The following EXOC6B variants were observed in gnomAD, a reference collection of about 807,000 sequenced individuals.
EXOC6B encodes SEC15 homolog B.
Under a neutral mutation model 113.5 loss-of-function variants are expected in EXOC6B, and 54 were observed. The observed-to-expected ratio is 0.48, with a 90% CI of 0.38 to 0.60. The LOEUF (loss-of-function observed/expected upper bound fraction) is 0.60, where lower values mean the gene tolerates loss of function less well. Ranked by LOEUF, EXOC6B falls within the 20% of genes least tolerant of loss-of-function variation. EXOC6B has a pLI of 0.00. For missense variants in EXOC6B, 797 were observed against 977.5 expected, an observed-to-expected ratio of 0.82 and a Z score of 2.46; for synonymous variants, 357 against 339.0, an observed-to-expected ratio of 1.05 and a Z score of -0.58.
intron 20 of EXOC6B, among the ~76,000 whole-genome samples, chr2:72,279,245 T>C (rs1388398426): frequency 1.3e-5 from 2 of 152,208 alleles, no homozygotes; most frequent in Non-Finnish European, 2.9e-5. Context: ...TTCTCAGAAG[T>C]GAAGAGTCCT....
chr2:72,663,566 C>T (rs1029923947), intron 6 of EXOC6B, among the ~76,000 whole-genome samples: 2 of 152,092 alleles, frequency 1.3e-5, no homozygotes, highest in Non-Finnish European at 1.5e-5. Flanking sequence ...AATGAAACCA[C>T]AACTTGTAGG....
chr2:72,429,373 C>A (rs1695387601), intron 18 of EXOC6B, among the ~76,000 whole-genome samples: 1 of 152,160 alleles, frequency 6.6e-6, no homozygotes, highest in African/African-American at 2.4e-5. Flanking sequence ...CTGATCAAAG[C>A]AAACAGGCCT....
At chr2:72,315,831 G>A (rs1044711434) in intron 20 of EXOC6B, among the ~76,000 whole-genome samples, 1 of 152,068 alleles carries the variant, frequency 6.6e-6, no homozygotes, top group Non-Finnish European at 1.5e-5. Context: ...ACATTTTAAT[G>A]TATAATAAAA....
At chr2:72,515,222 T>G in intron 8 of EXOC6B, 96 bp from the exon 9 acceptor site, 1 of 1,141,226 alleles carries the variant, frequency 8.8e-7, no homozygotes, top group Non-Finnish European at 1.3e-6. Context: ...GAATTTGAGG[T>G]AGTATCACAT....
chr2:72,720,976 G>A (rs1365840484), intron 5 of EXOC6B, among the ~76,000 whole-genome samples: 10 of 152,088 alleles, frequency 6.6e-5, no homozygotes, highest in South Asian at 6.2e-4. Context: ...AATAAGTTAT[G>A]CAAAGAAAAC....
At chr2:72,416,841 C>G (rs1694556348) in intron 18 of EXOC6B, among the ~76,000 whole-genome samples, 1 of 152,134 alleles carries the variant, frequency 6.6e-6, no homozygotes, top group Non-Finnish European at 1.5e-5. Flanking sequence ...GCACACAAGT[C>G]ATTAACAATC....
At chr2:72,484,566 CAAAAAAAAAAA>C (rs1163864913) in intron 16 of EXOC6B, among the ~76,000 whole-genome samples, 1 of 52,646 alleles carries the variant, frequency 1.9e-5, no homozygotes, top group African/African-American at 6.5e-5. Context: ...GACTCCGTCA[CAAAAAAAAAAA>C]AAAAAAAAAA....
intron 1 of EXOC6B, among the ~76,000 whole-genome samples, chr2:72,797,746 G>A (rs567867637): frequency 4.6e-5 from 7 of 152,094 alleles, no homozygotes; most frequent in African/African-American, 7.2e-5. Flanking sequence ...CCTGGGAGGC[G>A]GAGGTTGTAA....
At chr2:72,214,709 C>T (rs1379783287) in intron 20 of EXOC6B, among the ~76,000 whole-genome samples, 2 of 152,172 alleles carry the variant, frequency 1.3e-5, no homozygotes, top group African/African-American at 4.8e-5. Context: ...AGGCTTCTTT[C>T]TTTAAGACCA....
In EXOC6B at chr2:72,563,526, A is replaced by G. The variant is rs1704002427; in HGVS notation, c.847-4005T>C. ...GACCAATGTATAGATGACAAAAAAG[A>G]GTCTGAAAATAGAGGATGTTACAAA... On this transcript the variant is annotated intron_variant, in intron 7 of 21. Coordinates refer to ENST00000272427, the MANE Select transcript of EXOC6B (RefSeq NM_015189.3). Among the ~76,000 whole-genome samples the G allele has an allele frequency of 6.6e-5, 10 of 152,148 alleles. 1 individual carries two copies. Among genetic ancestry groups the G allele is most frequent in the Non-Finnish European group, 1.5e-5 (1 of 67,994 alleles).
intron 20 of EXOC6B, chr2:72,289,178 A>G: frequency 5.4e-6 from 1 of 184,108 alleles, no homozygotes; most frequent in Non-Finnish European, 1.1e-5. Flanking sequence ...AAATATACAT[A>G]TTAATTACTT....
intron 20 of EXOC6B, among the ~76,000 whole-genome samples, chr2:72,301,246 C>T (rs566041491): frequency 5.3e-5 from 8 of 152,250 alleles, no homozygotes; most frequent in African/African-American, 1.7e-4. Context: ...ATTTGGTTTG[C>T]AAGTATTTTG....
At chr2:72,184,346 C>A (rs559105606) in intron 20 of EXOC6B, among the ~76,000 whole-genome samples, 159 bp from the exon 21 acceptor site, 1 of 152,058 alleles carries the variant, frequency 6.6e-6, no homozygotes, top group African/African-American at 2.4e-5. Context: ...TTCTTTCAAC[C>A]AAGAAAATAA....
intron 18 of EXOC6B, among the ~76,000 whole-genome samples, chr2:72,426,381 A>G (rs971908107): frequency 1.3e-5 from 2 of 152,110 alleles, no homozygotes; most frequent in African/African-American, 4.8e-5. Context: ...AATGTTCTTC[A>G]TTTCCCCAAA....
intron 8 of EXOC6B, among the ~76,000 whole-genome samples, chr2:72,535,336 TTTG>T (rs1287779530): frequency 2.0e-5 from 3 of 152,170 alleles, no homozygotes; most frequent in Admixed American, 6.5e-5. Flanking sequence ...TACTTAGTTT[TTTG>T]TTGTTGTTGT....
chr2:72,450,482 A>T (rs889305704), intron 18 of EXOC6B, among the ~76,000 whole-genome samples: 2 of 152,234 alleles, frequency 1.3e-5, no homozygotes, highest in Non-Finnish European at 2.9e-5. Flanking sequence ...TAAAACAGTG[A>T]GAGAGTGTAC....
intron 18 of EXOC6B, among the ~76,000 whole-genome samples, chr2:72,406,578 C>T (rs991358523): frequency 1.3e-5 from 2 of 152,156 alleles, no homozygotes; most frequent in Admixed American, 6.5e-5. Flanking sequence ...GACATGGAAA[C>T]TGAACAACCT....
intron 6 of EXOC6B, among the ~76,000 whole-genome samples, chr2:72,656,095 C>T (rs1674554547): frequency 6.6e-6 from 1 of 151,832 alleles, no homozygotes; most frequent in Non-Finnish European, 1.5e-5. Flanking sequence ...CCTAAAAATG[C>T]CCAAAAACAT....
chr2:72,667,620 G>A (rs946155323), intron 6 of EXOC6B, among the ~76,000 whole-genome samples: 2 of 152,104 alleles, frequency 1.3e-5, no homozygotes, highest in African/African-American at 4.8e-5. Context: ...AAGAGCAATA[G>A]GGAAAAGACT....
Sources: allele counts gnomAD v4.1 joint callset (sites outside exome capture counted in the v4.1 genomes callset), GRCh38; gene constraint gnomAD v4.1.1; transcripts MANE v1.5; gene names NCBI Gene and HGNC (gene_info 2026-07-23, HGNC 2026-07-21).